Variants in MAP3K2 observed in about 807,000 individuals in gnomAD.
MAP3K2 encodes mitogen-activated protein kinase kinase kinase 2, also known as MAP/ERK kinase kinase 2.
Under a neutral mutation model 80.3 loss-of-function variants are expected in MAP3K2, and 24 were observed. That is an observed-to-expected ratio of 0.30 (90% CI 0.22 to 0.42). The LOEUF (loss-of-function observed/expected upper bound fraction) is 0.42. MAP3K2 is among the 10% of genes least tolerant of loss of function. The pLI is 1.00. For missense variants in MAP3K2, 608 were observed against 750.1 expected (o/e 0.81, Z 2.21); for synonymous variants, 244 against 253.7 (o/e 0.96, Z 0.36).
In MAP3K2 at chr2:127,364,980, T is replaced by C. The variant is rs1686945892; in HGVS notation, c.-65-21786A>G. ...CTGTCTCTACTAAAACTACAAAAAT[T>C]AGCCGGGTGTGGTGGCACATGCCTG... On this transcript the variant is annotated intron_variant, in intron 1 of 16. Transcript: ENST00000682094. The surrounding 1 kb of genome is among the most constrained non-coding windows in gnomAD (Gnocchi z 4.1). Among the ~76,000 whole-genome samples the C allele has an allele frequency of 6.6e-6, 1 of 151,784 alleles. No individual in the cohort carries two copies. Among genetic ancestry groups the C allele is most frequent in the Admixed American group, 6.6e-5 (1 of 15,242 alleles).
Position 127,379,490 on chromosome 2 carries a change from C to T in MAP3K2, c.-66+7962G>A, listed in dbSNP as rs568401844. Reference sequence around the variant, plus strand: ...CCAAGCTCATAATCTTAGCTATTCACTACCTTTATTTTCTTTATCTTTTCT... The same window carrying T: ...CCAAGCTCATAATCTTAGCTATTCATTACCTTTATTTTCTTTATCTTTTCT... On this transcript the variant is annotated intron_variant, in intron 1 of 16. Coordinates refer to ENST00000682094, the MANE Select transcript of MAP3K2 (RefSeq NM_001371910.2). 2.0e-5 allele frequency among the ~76,000 whole-genome samples: 3 copies of T among 152,312 alleles called. No homozygotes were observed. In the East Asian group the frequency reaches 5.8e-4, roughly 29 times the overall value.
At chr2:127,327,554 G>C (rs551916101) in intron 7 of MAP3K2, among the ~76,000 whole-genome samples, 1 of 148,058 alleles carries the variant, frequency 6.8e-6, no homozygotes, top group Non-Finnish European at 1.5e-5. Context: ...ATTACTAAAA[G>C]GAGATAGGAC....
At chr2:127,341,443 C>T (rs904762582) in intron 2 of MAP3K2, among the ~76,000 whole-genome samples, 29 of 150,020 alleles carry the variant, frequency 1.9e-4, no homozygotes, top group Non-Finnish European at 2.2e-4. Context: ...CCTTACTTGG[C>T]GGGCTTGAAG....
At chr2:127,370,239 C>T (rs529613884) in intron 1 of MAP3K2, among the ~76,000 whole-genome samples, 39 of 152,314 alleles carry the variant, frequency 2.6e-4, no homozygotes, top group African/African-American at 8.7e-4. Flanking sequence ...GGGCCTCAGC[C>T]GCTGACTCTT....
chr2:127,317,579 A>G, intron 14 of MAP3K2, 50 bp downstream of exon 14: 1 of 1,422,414 alleles, frequency 7.0e-7, no homozygotes. Context: ...TCTTTTATTA[A>G]CTAAAATTTT....
intron 1 of MAP3K2, among the ~76,000 whole-genome samples, chr2:127,347,533 C>CA (rs35552566): frequency 0.18 from 27,426 of 151,872 alleles, 2,950 homozygotes; most frequent in South Asian, 0.34. Flanking sequence ...TTAACAACAA[C>CA]AAAAAAATGC....
At position 127,366,873 on chromosome 2, in the gene MAP3K2, T is replaced by G. The variant is rs575076141; in HGVS notation, c.-66+20579A>C. On this transcript the variant is annotated intron_variant, in intron 1 of 16. Transcript: ENST00000682094. ...GCTGTCCCACAGTCAAGGGTTTTTTTTTTTTTTTTTTTTTTTGAGACAGAG... is the reference window on the plus strand; with the variant it reads ...GCTGTCCCACAGTCAAGGGTTTTTTGTTTTTTTTTTTTTTTTGAGACAGAG... Among the ~76,000 whole-genome samples, 1,127 of 130,462 alleles carry G rather than the reference T, an allele frequency of 8.6e-3. 27 individuals carry two copies. Among genetic ancestry groups the G allele is most frequent in the African/African-American group, 0.036 (1,080 of 30,300 alleles). 85.6% of individuals were successfully genotyped at this position (130,462 alleles called of 152,430 possible). A position where few individuals can be genotyped will look rare whatever the true frequency, so the allele number is the denominator to read the frequency against.
intron 1 of MAP3K2, among the ~76,000 whole-genome samples, chr2:127,387,082 CATCA>C (rs141497688): frequency 0.011 from 1,749 of 152,310 alleles, 32 homozygotes; most frequent in African/African-American, 0.04. Flanking sequence ...AACAACCTTA[CATCA>C]AAAGATTACC....
At chr2:127,346,404 T>C (rs988148889) in intron 1 of MAP3K2, among the ~76,000 whole-genome samples, 3 of 52,264 alleles carry the variant, frequency 5.7e-5, no homozygotes, top group African/African-American at 2.2e-4. Context: ...TTACAAAAAC[T>C]GGTTTTAAAA....
chr2:127,330,414 A>C lies in MAP3K2; in HGVS notation c.356T>G (p.Leu119Arg), dbSNP rs569233412. 2 of 1,595,382 alleles carry C rather than the reference A, an allele frequency of 1.3e-6. No individual in the cohort carries two copies. The highest frequency in any genetic ancestry group is 1.1e-5 in the South Asian group (1 of 89,184). Reference protein sequence around the residue: ...SIHMKSLKILLVINGSTQATN... With the variant: ...SIHMKSLKILRVINGSTQATN... The stretch of plus-strand genomic sequence containing the variant: ...TACCTGTGTACTTCCATTTATTACA[A>C]GTAATATCTTGAGGCTCTTCATATG... The change falls in exon 6 of 17, where the codon CTT (leucine) becomes CGT (arginine). Residue 119 changes from leucine to arginine, a missense_variant. This residue lies in a region of MAP3K2 where 467 missense variants were observed against 521.9 expected (regional missense o/e 0.89). Coordinates refer to ENST00000682094, the MANE Select transcript of MAP3K2 (RefSeq NM_001371910.2).
intron 1 of MAP3K2, among the ~76,000 whole-genome samples, chr2:127,348,790 T>C (rs902823113): frequency 1.3e-5 from 2 of 152,058 alleles, no homozygotes; most frequent in Non-Finnish European, 2.9e-5. Flanking sequence ...GGAAACAAAA[T>C]AGAAGTGGCT....
At chr2:127,347,346 C>G (rs904277805) in intron 1 of MAP3K2, among the ~76,000 whole-genome samples, 5 of 151,944 alleles carry the variant, frequency 3.3e-5, no homozygotes, top group African/African-American at 9.7e-5. Flanking sequence ...ACCTAAGAAA[C>G]AAACAAAAAC....
chr2:127,308,292 G>A (rs1685745758), intron 16 of MAP3K2, among the ~76,000 whole-genome samples: 1 of 152,128 alleles, frequency 6.6e-6, no homozygotes, highest in Non-Finnish European at 1.5e-5. Context: ...AAGGTCTTTA[G>A]ACAAACAAAG....
In MAP3K2 at chr2:127,299,426, GAA is replaced by G. The variant is rs1401985637; in HGVS notation, c.*8151_*8152del. On this transcript the variant is annotated 3_prime_UTR_variant, in exon 17 of 17. Transcript: ENST00000682094. ...CCCAGTCTGACCTTGCCCAGTGATA[GAA>G]AAACTAAAAGTTGAAATCTTTTGGG... is the stretch of plus-strand genomic sequence containing the variant. 5.3e-5 allele frequency: 8 copies of G among 152,204 alleles called. No homozygotes were observed. The East Asian group carries it at 1.4e-3, about 26-fold the overall frequency. The allele number at this position is 152,204 out of a possible 1,614,324, so 9.4% of individuals were successfully genotyped here. A position where few individuals can be genotyped will look rare whatever the true frequency, so the allele number is the denominator to read the frequency against.
At chr2:127,312,938 C>A (rs1457131181) in intron 15 of MAP3K2, among the ~76,000 whole-genome samples, 1 of 151,480 alleles carries the variant, frequency 6.6e-6, no homozygotes, top group Non-Finnish European at 1.5e-5. Flanking sequence ...TGCACTCCAG[C>A]CCTGGGCAAC....
upstream of MAP3K2, chr2:127,388,241 T>G (rs551694454): frequency 1.5e-4 from 132 of 863,402 alleles, no homozygotes; most frequent in African/African-American, 4.1e-4. Context: ...GCGCGGCGCA[T>G]ACGCACCTGG....
In MAP3K2 at chr2:127,318,240, C is replaced by T. The variant is rs765352195; in HGVS notation, c.1123G>A (p.Asp375Asn). The T allele has an allele frequency of 1.9e-6, 3 of 1,612,206 alleles. No homozygotes were observed. Among genetic ancestry groups the T allele is most frequent in the Non-Finnish European group, 2.5e-6 (3 of 1,179,250 alleles). Reference protein sequence around the residue: ...GAFGRVYLCYDVDTGRELAVK... With the variant: ...GAFGRVYLCYNVDTGRELAVK... Reference sequence around the variant, plus strand: ...GCCAATTCTCTTCCTGTATCAACATCATAACAGAGGTAGACCCTTCCAAAG... The same window carrying T: ...GCCAATTCTCTTCCTGTATCAACATTATAACAGAGGTAGACCCTTCCAAAG... The change falls in exon 13 of 17, where the codon GAT becomes AAT. Residue 375 changes from aspartate (D) to asparagine (N), a missense_variant. Asp to Asn is a conservative substitution (Grantham distance 23). Coordinates refer to ENST00000682094, the MANE Select transcript of MAP3K2 (RefSeq NM_001371910.2).
intron 1 of MAP3K2, among the ~76,000 whole-genome samples, chr2:127,370,018 T>C (rs1260892759): frequency 6.7e-6 from 1 of 149,402 alleles, no homozygotes; most frequent in Non-Finnish European, 1.5e-5. Flanking sequence ...AACTTTAGGT[T>C]AGGTAACAAG....
At chr2:127,346,780 G>A (rs992170989) in intron 1 of MAP3K2, among the ~76,000 whole-genome samples, 2 of 152,030 alleles carry the variant, frequency 1.3e-5, no homozygotes, top group Non-Finnish European at 2.9e-5. Flanking sequence ...CTGAGGTCAG[G>A]AGTTCGAAAT....
Sources: gnomAD v4.1 joint callset for allele counts (sites outside exome capture counted in the v4.1 genomes callset) on GRCh38, gnomAD v4.1.1 for gene constraint, gnomAD v4.1.1 regional missense constraint, Gnocchi (gnomAD v3.1) non-coding constraint, MANE v1.5 for transcripts, NCBI Gene and HGNC (gene_info 2026-07-23, HGNC 2026-07-21) for gene names.